Variants in SYNGR1 observed in about 807,000 individuals in gnomAD.
SYNGR1 encodes synaptogyrin-1.
SYNGR1 carries 14 observed loss-of-function variants against 26.1 expected under a neutral mutation model. The observed-to-expected ratio is 0.54, with a 90% CI of 0.35 to 0.84. The LOEUF (loss-of-function observed/expected upper bound fraction) is 0.84. Among genes scored for constraint, SYNGR1 ranks in the 40% least tolerant of loss-of-function variants. The pLI, the probability that SYNGR1 is intolerant of heterozygous loss-of-function variation, is 0.01. For missense variants in SYNGR1, 319 were observed against 332.9 expected, an observed-to-expected ratio of 0.96 and a Z score of 0.33; for synonymous variants, 141 against 150.1, an observed-to-expected ratio of 0.94 and a Z score of 0.44.
chr22:39,366,781 T>C (rs536978391), intron 1 of SYNGR1, among the ~76,000 whole-genome samples: 120 of 152,316 alleles, frequency 7.9e-4, no homozygotes, highest in African/African-American at 2.9e-3. Context: ...GCCACCACAG[T>C]CTTTTCTCTC....
chr22:39,384,597 G>A lies in SYNGR1; in HGVS notation c.*2683G>A, dbSNP rs1474754123. 2 of 398,752 alleles carry A rather than the reference G, an allele frequency of 5.0e-6. No homozygotes were observed. The highest frequency in any genetic ancestry group is 8.8e-6 in the Non-Finnish European group (2 of 226,088). 24.7% of individuals were successfully genotyped at this position (398,752 alleles called of 1,614,324 possible). Reference sequence around the variant, plus strand: ...GTTCATGGGGAAACTCGCTCCTTCTGTTGGCAGAGGACAGCCCCTGGGGAA... The same window carrying A: ...GTTCATGGGGAAACTCGCTCCTTCTATTGGCAGAGGACAGCCCCTGGGGAA... On this transcript the variant is annotated 3_prime_UTR_variant, in exon 4 of 4. Coordinates refer to ENST00000328933, the MANE Select transcript of SYNGR1 (RefSeq NM_004711.5).
chr22:39,377,258 A>T (rs938607800), intron 3 of SYNGR1: 2 of 985,356 alleles, frequency 2.0e-6, no homozygotes, highest in Non-Finnish European at 2.4e-6. Flanking sequence ...CCATCTCCCC[A>T]ACAATATTAG....
chr22:39,357,064 C>T (rs887739073), intron 1 of SYNGR1, among the ~76,000 whole-genome samples: 5 of 152,114 alleles, frequency 3.3e-5, no homozygotes, highest in Non-Finnish European at 7.4e-5. Flanking sequence ...TTGAGACCAG[C>T]CTGACCAACA....
intron 1 of SYNGR1, among the ~76,000 whole-genome samples, chr22:39,356,595 A>G: frequency 6.6e-6 from 1 of 152,008 alleles, no homozygotes; most frequent in South Asian, 2.1e-4. Context: ...AAGGGAAGAG[A>G]GGAGGAGAAG....
In SYNGR1 at chr22:39,384,365, A is replaced by G; in HGVS notation, c.*2451A>G. ...CCACCCTAGGCAGGGAAAGCTGTCA[A>G]GACTCCTGCCAGGAATGGGGGGTGC... On this transcript the variant is annotated 3_prime_UTR_variant, in exon 4 of 4. Coordinates refer to ENST00000328933, the MANE Select transcript of SYNGR1 (RefSeq NM_004711.5). 2.5e-6 allele frequency: 1 copy of G among 397,296 alleles called. No homozygotes were observed. Among genetic ancestry groups the G allele is most frequent in the Non-Finnish European group, 4.4e-6 (1 of 225,672 alleles). 24.6% of individuals were successfully genotyped at this position (397,296 alleles called of 1,614,324 possible).
intron 1 of SYNGR1, among the ~76,000 whole-genome samples, chr22:39,363,961 C>T (rs553959731): frequency 3.9e-5 from 6 of 152,260 alleles, no homozygotes; most frequent in South Asian, 2.1e-4. Context: ...ACGTTTAAAA[C>T]GAGGCCTCTA....
intron 1 of SYNGR1, among the ~76,000 whole-genome samples, chr22:39,364,748 G>C (rs1924651781): frequency 2.0e-5 from 3 of 152,184 alleles, no homozygotes; most frequent in South Asian, 4.1e-4. Context: ...GGTGGGGAGG[G>C]GGACAGATGA....
chr22:39,376,610 C>T (rs1175770598), intron 3 of SYNGR1, among the ~76,000 whole-genome samples: 3 of 152,174 alleles, frequency 2.0e-5, no homozygotes, highest in Admixed American at 6.5e-5. Context: ...TGCTTCCGAT[C>T]GGGGCTGCCT....
intron 3 of SYNGR1, chr22:39,377,851 T>C: frequency 1.3e-6 from 2 of 1,504,316 alleles, no homozygotes; most frequent in Middle Eastern, 4.1e-4. Flanking sequence ...CATTCATTCC[T>C]TCACCGCCTC....
chr22:39,379,179 C>G (rs1925414951), intron 3 of SYNGR1, among the ~76,000 whole-genome samples: 1 of 152,240 alleles, frequency 6.6e-6, no homozygotes, highest in Non-Finnish European at 1.5e-5. Flanking sequence ...GCCAGGACCT[C>G]ATGCTAACAT....
At chr22:39,352,754 C>T (rs1485492637) in intron 1 of SYNGR1, among the ~76,000 whole-genome samples, 2 of 152,190 alleles carry the variant, frequency 1.3e-5, no homozygotes, top group Non-Finnish European at 2.9e-5. Flanking sequence ...GGCCCTTAGT[C>T]CAGACAAACA....
intron 1 of SYNGR1, chr22:39,364,447 C>A: frequency 4.6e-6 from 6 of 1,313,832 alleles, no homozygotes; most frequent in Admixed American, 2.0e-5. Flanking sequence ...TAGGTGCCTT[C>A]TTCCATTGGC....
chr22:39,350,122 T>A lies in SYNGR1; in HGVS notation c.99+13T>A. 1 of 1,426,116 alleles carries A rather than the reference T, an allele frequency of 7.0e-7. No homozygotes were observed. The highest frequency in any genetic ancestry group is 1.3e-5 in the South Asian group (1 of 75,542). 88.3% of individuals were successfully genotyped at this position (1,426,116 alleles called of 1,614,324 possible). A position where few individuals can be genotyped will look rare whatever the true frequency, so the allele number is the denominator to read the frequency against. On this transcript the variant is annotated intron_variant, in intron 1 of 3. Transcript: ENST00000328933. The surrounding 1 kb of genome is among the most constrained non-coding windows in gnomAD (Gnocchi z 4.3). ...CGTCGTGTCTTGGGTAAGGACGGAC[T>A]GGCCGACGGCTCTGCCAGGCCGGGG...
intron 1 of SYNGR1, among the ~76,000 whole-genome samples, chr22:39,364,785 G>C (rs1601656896): frequency 6.6e-6 from 1 of 152,152 alleles, no homozygotes; most frequent in African/African-American, 2.4e-5. Context: ...AAAGGGCTTG[G>C]TGCTTCTGGG....
At chr22:39,376,020 T>C (rs1339778115) in intron 2 of SYNGR1, 32 bp from the exon 3 acceptor site, 1 of 1,614,128 alleles carries the variant, frequency 6.2e-7, no homozygotes, top group Admixed American at 1.7e-5. Context: ...TGTGTGGCAC[T>C]GCCTATTCTG....
At chr22:39,352,696 C>T (rs1923963448) in intron 1 of SYNGR1, among the ~76,000 whole-genome samples, 1 of 152,158 alleles carries the variant, frequency 6.6e-6, no homozygotes, top group Non-Finnish European at 1.5e-5. Context: ...ACCAGGGTGA[C>T]CCGTTTATCC....
intron 1 of SYNGR1, among the ~76,000 whole-genome samples, chr22:39,357,720 G>C (rs1394813124): frequency 6.6e-6 from 1 of 151,222 alleles, no homozygotes; most frequent in Non-Finnish European, 1.5e-5. Flanking sequence ...CTGGCCCCGG[G>C]CAATGAGGGA....
chr22:39,384,295 G>C lies in SYNGR1; in HGVS notation c.*2381G>C, dbSNP rs1266316038. ...TCCTCAGCCGGAGGGCAGGGTACCA[G>C]GTAAGCTTAACTCCATCTTGGGTGT... On this transcript the variant is annotated 3_prime_UTR_variant, in exon 4 of 4. Transcript: ENST00000328933. 1.6e-5 allele frequency: 6 copies of C among 384,770 alleles called. No homozygotes were observed. In the East Asian group the frequency reaches 1.8e-4, roughly 12 times the overall value. 23.8% of individuals were successfully genotyped at this position (384,770 alleles called of 1,614,324 possible).
At chr22:39,363,020 T>G (rs1434202339) in intron 1 of SYNGR1, among the ~76,000 whole-genome samples, 1 of 152,084 alleles carries the variant, frequency 6.6e-6, no homozygotes, top group Non-Finnish European at 1.5e-5. Context: ...TGGAGTCTGG[T>G]CTGGAGGGCT....
Sources: allele counts gnomAD v4.1 joint callset (sites outside exome capture counted in the v4.1 genomes callset), GRCh38; gene constraint gnomAD v4.1.1; non-coding constraint Gnocchi (gnomAD v3.1); transcripts MANE v1.5; gene names NCBI Gene and HGNC (gene_info 2026-07-23, HGNC 2026-07-21).